ITGBL1: variants seen among roughly 807,000 people sequenced by gnomAD.
The protein encoded by ITGBL1 is integrin beta-like protein 1.
A neutral mutation model predicts 68.5 loss-of-function variants in ITGBL1; 51 were observed. That is an observed-to-expected ratio of 0.74 (90% CI 0.59 to 0.94). The LOEUF is 0.94. Ranked by LOEUF, ITGBL1 falls within the 40% of genes least tolerant of loss-of-function variation. ITGBL1 has a pLI of 0.00. For missense variants in ITGBL1, 649 were observed against 647.4 expected, an observed-to-expected ratio of 1.00 and a Z score of -0.03; for synonymous variants, 209 against 227.3, an observed-to-expected ratio of 0.92 and a Z score of 0.72.
At chr13:101,597,868 G>A (rs1442900316) in intron 6 of ITGBL1, among the ~76,000 whole-genome samples, 1 of 151,876 alleles carries the variant, frequency 6.6e-6, no homozygotes, top group East Asian at 1.9e-4. Context: ...CTCCTTTAAG[G>A]CCCCAGCAAA....
At chr13:101,614,099 G>A (rs73556023) in intron 7 of ITGBL1, among the ~76,000 whole-genome samples, 18,543 of 151,746 alleles carry the variant, frequency 0.12, 1,619 homozygotes, top group African/African-American at 0.25. Context: ...AATACAGAGA[G>A]GAGATCTTGA....
At chr13:101,589,617 T>C (rs1340100758) in intron 6 of ITGBL1, among the ~76,000 whole-genome samples, 3 of 152,242 alleles carry the variant, frequency 2.0e-5, no homozygotes, top group Non-Finnish European at 4.4e-5. Flanking sequence ...TTTGATACTT[T>C]CCTGTTTAGG....
chr13:101,672,465 A>G (rs942111887), intron 7 of ITGBL1, among the ~76,000 whole-genome samples: 3 of 152,242 alleles, frequency 2.0e-5, no homozygotes, highest in Admixed American at 2.0e-4. Flanking sequence ...GGCAGGCTCA[A>G]AATGGCAGCT....
chr13:101,580,444 A>ATTT (rs10652138), intron 5 of ITGBL1, among the ~76,000 whole-genome samples: 6 of 24,976 alleles, frequency 2.4e-4, no homozygotes, highest in Admixed American at 4.8e-4. Flanking sequence ...TCTTTTTATT[A>ATTT]TTTATTATTA....
At chr13:101,455,895 C>T (rs1009142038) in intron 2 of ITGBL1, among the ~76,000 whole-genome samples, 5 of 152,058 alleles carry the variant, frequency 3.3e-5, no homozygotes, top group Non-Finnish European at 7.4e-5. Flanking sequence ...GGCTTTTTCT[C>T]TTGTTTTATT....
chr13:101,666,710 G>A (rs1010407639), intron 7 of ITGBL1, among the ~76,000 whole-genome samples: 9 of 151,994 alleles, frequency 5.9e-5, no homozygotes, highest in Admixed American at 2.0e-4. Flanking sequence ...GCAAAAATAG[G>A]CATTTTAAAC....
chr13:101,637,707 A>G (rs957871564), intron 7 of ITGBL1, among the ~76,000 whole-genome samples: 3 of 152,140 alleles, frequency 2.0e-5, no homozygotes, highest in Non-Finnish European at 2.9e-5. Context: ...CAGAAATACT[A>G]CCATCACTCT....
intron 2 of ITGBL1, among the ~76,000 whole-genome samples, chr13:101,538,943 G>T (rs888382642): frequency 6.6e-6 from 1 of 151,394 alleles, no homozygotes; most frequent in African/African-American, 2.4e-5. Flanking sequence ...TATATAAAGA[G>T]GTTAAATAAC....
intron 6 of ITGBL1, among the ~76,000 whole-genome samples, chr13:101,588,693 T>TAAA (rs3063720): frequency 1.4e-5 from 2 of 147,678 alleles, no homozygotes; most frequent in South Asian, 2.1e-4. Flanking sequence ...ATTTGTCTAT[T>TAAA]AAAAAAAAAA....
At chr13:101,455,129 A>C (rs1032506183) in intron 2 of ITGBL1, among the ~76,000 whole-genome samples, 1 of 152,172 alleles carries the variant, frequency 6.6e-6, no homozygotes, top group Non-Finnish European at 1.5e-5. Flanking sequence ...TGTAGGAAAA[A>C]CCAGCCACTT....
At chr13:101,530,539 G>A (rs1034802661) in intron 2 of ITGBL1, among the ~76,000 whole-genome samples, 2 of 152,128 alleles carry the variant, frequency 1.3e-5, no homozygotes, top group Non-Finnish European at 2.9e-5. Context: ...TTTGGTGGAA[G>A]GCTTCCAAAA....
chr13:101,464,729 G>A (rs9585704), intron 2 of ITGBL1, among the ~76,000 whole-genome samples: 13,196 of 151,584 alleles, frequency 0.087, 1,881 homozygotes, highest in African/African-American at 0.3. Context: ...ATACACATAC[G>A]CCATACATAT....
At chr13:101,660,501 G>T (rs1050783556) in intron 7 of ITGBL1, among the ~76,000 whole-genome samples, 1 of 152,212 alleles carries the variant, frequency 6.6e-6, no homozygotes, top group Non-Finnish European at 1.5e-5. Flanking sequence ...AATTGGAGAA[G>T]TTGCAAATCT....
rs10551253 is a variant in ITGBL1 at position 101,531,700 on chromosome 13, GTTATTTATTTAT to G, written c.317-35966_317-35955del. ...TTGAAGGTTTTATTTTTTTTATTTT[GTTATTTATTTAT>G]TTATTTATTTATTTATTTATTTATT... is the stretch of plus-strand genomic sequence containing the variant. On this transcript the variant is annotated intron_variant, in intron 2 of 10. Coordinates refer to ENST00000376180, the MANE Select transcript of ITGBL1 (RefSeq NM_004791.3). 7.2e-3 allele frequency among the ~76,000 whole-genome samples: 1,003 copies of G among 140,032 alleles called. 2 individuals are homozygous for G. Among genetic ancestry groups the G allele is most frequent in the African/African-American group, 0.01 (378 of 37,624 alleles). 91.9% of individuals were successfully genotyped at this position (140,032 alleles called of 152,430 possible).
intron 7 of ITGBL1, among the ~76,000 whole-genome samples, chr13:101,630,605 C>T (rs2031945766): frequency 6.6e-6 from 1 of 152,144 alleles, no homozygotes; most frequent in African/African-American, 2.4e-5. Flanking sequence ...CCCATAACTC[C>T]TAGATTGGAT....
intron 7 of ITGBL1, among the ~76,000 whole-genome samples, chr13:101,647,213 G>T (rs2032587208): frequency 6.6e-6 from 1 of 152,048 alleles, no homozygotes; most frequent in Admixed American, 6.6e-5. Flanking sequence ...TTAGACTTCT[G>T]TTTACCACAA....
At chr13:101,691,495 C>G (rs2033882494) in intron 7 of ITGBL1, among the ~76,000 whole-genome samples, 1 of 152,144 alleles carries the variant, frequency 6.6e-6, no homozygotes, top group African/African-American at 2.4e-5. Flanking sequence ...AACAACATTG[C>G]AAGGTCAGCC....
At chr13:101,666,816 T>C (rs1286056734) in intron 7 of ITGBL1, among the ~76,000 whole-genome samples, 1 of 152,142 alleles carries the variant, frequency 6.6e-6, no homozygotes, top group Non-Finnish European at 1.5e-5. Context: ...AAGTCTCCCA[T>C]GTCAAGATCA....
chr13:101,531,867 G>A (rs558428624), intron 2 of ITGBL1, among the ~76,000 whole-genome samples: 6 of 151,882 alleles, frequency 4.0e-5, no homozygotes, highest in Non-Finnish European at 8.8e-5. Context: ...CCAAGTAGCT[G>A]GGACAACAGG....
Sources: allele counts gnomAD v4.1 joint callset (sites outside exome capture counted in the v4.1 genomes callset), GRCh38; gene constraint gnomAD v4.1.1; transcripts MANE v1.5; gene names NCBI Gene and HGNC (gene_info 2026-07-23, HGNC 2026-07-21).